The following COL11A1 variants were observed in gnomAD, a reference collection of about 807,000 sequenced individuals.
The protein encoded by COL11A1 is collagen alpha-1(XI) chain.
A neutral mutation model predicts 265.2 loss-of-function variants in COL11A1; 74 were observed. That is an observed-to-expected ratio of 0.28 (90% CI 0.23 to 0.34). The LOEUF (loss-of-function observed/expected upper bound fraction) is 0.34, where lower values mean the gene tolerates loss of function less well. COL11A1 is among the 10% of genes least tolerant of loss of function. The probability of loss-of-function intolerance (pLI) is 1.00; values close to 1 mark genes in which losing one functional copy is unlikely to be tolerated. For synonymous variants in COL11A1, 816 were observed against 727.6 expected, an observed-to-expected ratio of 1.12 and a Z score of -1.96; for missense variants, 2,165 against 2,263.6, an observed-to-expected ratio of 0.96 and a Z score of 0.88.
chr1:103,103,179 A>G (rs1023066946), intron 1 of COL11A1, among the ~76,000 whole-genome samples: 2 of 152,014 alleles, frequency 1.3e-5, no homozygotes, highest in African/African-American at 4.8e-5. Flanking sequence ...TTAAAAAAAA[A>G]CTGTTAAACA....
chr1:102,943,450 CAT>C (rs1483734875), intron 42 of COL11A1, among the ~76,000 whole-genome samples: 4 of 119,194 alleles, frequency 3.4e-5, no homozygotes, highest in African/African-American at 1.4e-4. Flanking sequence ...CACACACACA[CAT>C]ACACACACAC....
intron 44 of COL11A1, among the ~76,000 whole-genome samples, 199 bp from the exon 45 acceptor site, chr1:102,935,312 T>A (rs1247305120): frequency 6.6e-6 from 1 of 152,238 alleles, no homozygotes; most frequent in Non-Finnish European, 1.5e-5. Context: ...ACATTTGAAA[T>A]CAATTTTAAG....
At chr1:103,103,381 T>C (rs894409145) in intron 1 of COL11A1, among the ~76,000 whole-genome samples, 1 of 152,006 alleles carries the variant, frequency 6.6e-6, no homozygotes, top group Non-Finnish European at 1.5e-5. Context: ...AGTCTTCTAT[T>C]AACAACTTTA....
intron 1 of COL11A1, among the ~76,000 whole-genome samples, chr1:103,105,611 A>T (rs187874148): frequency 6.6e-6 from 1 of 152,122 alleles, no homozygotes; most frequent in Non-Finnish European, 1.5e-5. Flanking sequence ...TTAATATCCA[A>T]ATCTTATCAC....
intron 1 of COL11A1, among the ~76,000 whole-genome samples, chr1:103,083,609 C>A (rs1001307708): frequency 6.6e-6 from 1 of 152,038 alleles, no homozygotes; most frequent in African/African-American, 2.4e-5. Flanking sequence ...AATACAATGC[C>A]TTTTTCAGTG....
Position 103,078,662 on chromosome 1 carries a change from C to T in COL11A1, c.484G>A (p.Gly162Arg), listed in dbSNP as rs1672165764. Residue 162 changes from glycine to arginine, a missense_variant, in exon 3 of 67, where the codon GGG becomes AGG. Transcript: ENST00000370096. The part of the protein sequence containing the change: ...PLFRTVNIAD[G>R]KWHRVAISVE... ...TTGTATTATTTTGTTACTTACTTCCCGTCAGCGATGTTAACAGTTCTGAAG... is the reference window on the plus strand; with the variant it reads ...TTGTATTATTTTGTTACTTACTTCCTGTCAGCGATGTTAACAGTTCTGAAG... 2 of 1,612,684 alleles carry T rather than the reference C, an allele frequency of 1.2e-6. No individual in the cohort carries two copies. Among genetic ancestry groups the T allele is most frequent in the South Asian group, 1.1e-5 (1 of 91,064 alleles).
rs1571018116 is a variant in COL11A1, at chr1:103,008,389, G to A, written c.1683+74C>T. ...AGGAACAAAAAAAAAATTAACTATT[G>A]ATGCATTCTCGAAGGAATTATGCTG... On this transcript the variant is annotated intron_variant, in intron 15 of 66. Coordinates refer to ENST00000370096, the MANE Select transcript of COL11A1 (RefSeq NM_001854.4). 3.4e-6 allele frequency: 4 copies of A among 1,189,988 alleles called. No homozygotes were observed. The East Asian group carries it at 9.5e-5, about 28-fold the overall frequency. The allele number at this position is 1,189,988 out of a possible 1,614,324, so 73.7% of individuals were successfully genotyped here. A position where few individuals can be genotyped will look rare whatever the true frequency, so the allele number is the denominator to read the frequency against.
chr1:103,037,982 C>T (rs1668507485), intron 4 of COL11A1, among the ~76,000 whole-genome samples: 1 of 152,082 alleles, frequency 6.6e-6, no homozygotes, highest in South Asian at 2.1e-4. Context: ...TTCTTGTCTC[C>T]ATTAACTTGC....
At chr1:102,912,007 T>C in intron 54 of COL11A1, 152 bp downstream of exon 54, 1 of 665,930 alleles carries the variant, frequency 1.5e-6, no homozygotes, top group South Asian at 2.1e-5. Context: ...TCTATTTTAG[T>C]TATTATTTGG....
chr1:102,921,392 T>G, intron 48 of COL11A1, 126 bp downstream of exon 48: 6 of 716,356 alleles, frequency 8.4e-6, no homozygotes. Context: ...AGGTGACCCT[T>G]GAGTTCTTAA....
intron 28 of COL11A1, among the ~76,000 whole-genome samples, chr1:102,991,423 A>G (rs950465747): frequency 2.1e-5 from 3 of 139,956 alleles, no homozygotes; most frequent in African/African-American, 4.9e-5. Context: ...TAATCAATAT[A>G]AGGCACCTCC....
intron 4 of COL11A1, among the ~76,000 whole-genome samples, chr1:103,050,583 A>G (rs191360750): frequency 1.3e-5 from 2 of 151,988 alleles, no homozygotes; most frequent in Non-Finnish European, 2.9e-5. Context: ...GATCGTCTGA[A>G]GCCTTCTTCT....
intron 54 of COL11A1, among the ~76,000 whole-genome samples, chr1:102,907,886 G>T (rs1291010921): frequency 3.3e-5 from 5 of 151,908 alleles, no homozygotes; most frequent in Admixed American, 1.3e-4. Flanking sequence ...GTCTTTTGGT[G>T]GATATGTGCA....
intron 37 of COL11A1, among the ~76,000 whole-genome samples, chr1:102,968,192 G>T (rs1226465516): frequency 1.3e-5 from 2 of 152,218 alleles, no homozygotes; most frequent in Non-Finnish European, 2.9e-5. Flanking sequence ...TTTCAGAGTA[G>T]CTAGTCAAAT....
rs890655145 is a variant in COL11A1 at position 102,914,704 on chromosome 1, C to T, written c.3924G>A (p.Pro1308=). 5.0e-6 allele frequency: 8 copies of T among 1,611,384 alleles called. No individual in the cohort carries two copies. The highest frequency in any genetic ancestry group is 1.7e-5 in the Admixed American group (1 of 59,888). ...PPGDDGPKGN[P]GPVGFPGDPG... ...ATTAGAGGGGACCAAACTCACTTAC[C>T]GGGTTACCCTTAGGGCCATCATCAC... The change falls in exon 51 of 67, where the codon CCG becomes CCA. Residue 1308 remains proline, a splice_region_variant and synonymous_variant. Coordinates refer to ENST00000370096, the MANE Select transcript of COL11A1 (RefSeq NM_001854.4).
chr1:103,089,113 T>G (rs1447788254), intron 1 of COL11A1, among the ~76,000 whole-genome samples: 1 of 152,206 alleles, frequency 6.6e-6, no homozygotes, highest in Non-Finnish European at 1.5e-5. Flanking sequence ...ATCCTGTCAA[T>G]AGAATCATCT....
chr1:103,058,247 T>G (rs1670389601), intron 4 of COL11A1, among the ~76,000 whole-genome samples: 1 of 152,168 alleles, frequency 6.6e-6, no homozygotes, highest in Non-Finnish European at 1.5e-5. Context: ...CTTCTGAAGC[T>G]TCCTCACTTC....
intron 54 of COL11A1, among the ~76,000 whole-genome samples, chr1:102,909,006 T>C (rs1008593875): frequency 6.6e-6 from 1 of 152,178 alleles, no homozygotes; most frequent in African/African-American, 2.4e-5. Context: ...ATCTTTAATT[T>C]TGGATGAAAA....
At chr1:102,879,329 G>C (rs1249585608) in intron 66 of COL11A1, among the ~76,000 whole-genome samples, 1 of 152,008 alleles carries the variant, frequency 6.6e-6, no homozygotes, top group African/African-American at 2.4e-5. Flanking sequence ...TCCTTTATCT[G>C]TCATTTTAAA....
Sources: gnomAD v4.1 joint callset for allele counts (sites outside exome capture counted in the v4.1 genomes callset) on GRCh38, gnomAD v4.1.1 for gene constraint, MANE v1.5 for transcripts, NCBI Gene and HGNC (gene_info 2026-07-23, HGNC 2026-07-21) for gene names.